RGS7: variants seen among roughly 807,000 people sequenced by gnomAD.
The protein encoded by RGS7 is regulator of G protein signaling 7.
RGS7 carries 27 observed loss-of-function variants against 81.1 expected under a neutral mutation model. That is an observed-to-expected ratio of 0.33 (90% CI 0.25 to 0.46). The LOEUF (loss-of-function observed/expected upper bound fraction) is 0.46, where lower values mean the gene tolerates loss of function less well. Among genes scored for constraint, RGS7 ranks in the 20% least tolerant of loss-of-function variants. The pLI, the probability that RGS7 is intolerant of heterozygous loss-of-function variation, is 1.00. For synonymous variants in RGS7, 208 were observed against 207.7 expected, an observed-to-expected ratio of 1.00 and a Z score of -0.01; for missense variants, 396 against 607.4, an observed-to-expected ratio of 0.65 and a Z score of 3.66.
chr1:241,219,117 T>C (rs960237563), intron 2 of RGS7, among the ~76,000 whole-genome samples: 1 of 152,076 alleles, frequency 6.6e-6, no homozygotes, highest in Non-Finnish European at 1.5e-5. Flanking sequence ...ATGCCTCACA[T>C]CTCTTGTAAT....
chr1:240,863,058 A>T (rs1662532374), intron 9 of RGS7, among the ~76,000 whole-genome samples: 1 of 152,104 alleles, frequency 6.6e-6, no homozygotes, highest in African/African-American at 2.4e-5. Flanking sequence ...GCCGCAAGGA[A>T]TCCTCTTAGC....
chr1:240,977,479 C>T (rs1178611172), intron 4 of RGS7, among the ~76,000 whole-genome samples: 1 of 152,128 alleles, frequency 6.6e-6, no homozygotes, highest in Admixed American at 6.5e-5. Flanking sequence ...TTGAAAGGTA[C>T]AAATCAAAAT....
chr1:241,220,900 TGAAAGGAAGAAAG>T (rs1369880018), intron 2 of RGS7, among the ~76,000 whole-genome samples: 20 of 125,490 alleles, frequency 1.6e-4, no homozygotes, highest in East Asian at 4.5e-4. Context: ...GAGAGAGAGA[TGAAAGGAAGAAAG>T]GAAAGGAAGA....
intron 14 of RGS7, among the ~76,000 whole-genome samples, chr1:240,807,529 A>T (rs188051550): frequency 7.3e-4 from 111 of 152,340 alleles, no homozygotes; most frequent in Non-Finnish European, 1.3e-3. Context: ...AATGAAGTGC[A>T]TGAGCTAGAA....
chr1:241,178,633 G>C (rs1162070943), intron 2 of RGS7, among the ~76,000 whole-genome samples: 1 of 152,232 alleles, frequency 6.6e-6, no homozygotes, highest in Non-Finnish European at 1.5e-5. Flanking sequence ...ACAGGATAGA[G>C]AGAGTGATTA....
intron 3 of RGS7, among the ~76,000 whole-genome samples, chr1:241,070,656 A>G (rs2062382494): frequency 6.6e-6 from 1 of 152,196 alleles, no homozygotes; most frequent in African/African-American, 2.4e-5. Flanking sequence ...TGCCCTGCCC[A>G]TGGGCACAAC....
At chr1:240,795,444 T>C (rs896530135) in intron 18 of RGS7, among the ~76,000 whole-genome samples, 10 of 152,190 alleles carry the variant, frequency 6.6e-5, no homozygotes, top group Non-Finnish European at 1.3e-4. Flanking sequence ...AATAAGTTAT[T>C]TTTCCCTCTA....
chr1:240,850,063 T>G (rs1659828469), intron 9 of RGS7, among the ~76,000 whole-genome samples: 1 of 152,254 alleles, frequency 6.6e-6, no homozygotes, highest in Admixed American at 6.5e-5. Context: ...TTGTGGAACT[T>G]TGCACAACTT....
intron 3 of RGS7, among the ~76,000 whole-genome samples, chr1:241,084,377 T>C (rs1253043705): frequency 6.6e-6 from 1 of 152,106 alleles, no homozygotes; most frequent in African/African-American, 2.4e-5. Flanking sequence ...AGGACCAAAA[T>C]AGTAAAATAT....
At chr1:240,933,174 G>C (rs191874297) in intron 5 of RGS7, among the ~76,000 whole-genome samples, 1 of 151,698 alleles carries the variant, frequency 6.6e-6, no homozygotes, top group East Asian at 1.9e-4. Context: ...GAGCCACCGC[G>C]CCCGGCCGGT....
chr1:240,850,264 A>C (rs1237261296), intron 9 of RGS7, among the ~76,000 whole-genome samples: 1 of 152,164 alleles, frequency 6.6e-6, no homozygotes, highest in Non-Finnish European at 1.5e-5. Context: ...CCATTTTTCC[A>C]ATAGCATGTG....
intron 2 of RGS7, among the ~76,000 whole-genome samples, chr1:241,152,628 G>A (rs975167779): frequency 2.0e-5 from 3 of 152,184 alleles, no homozygotes; most frequent in African/African-American, 7.2e-5. Context: ...TGGAGAAATG[G>A]TAGGAGGATG....
At chr1:240,778,411 G>T (rs538175063) in intron 18 of RGS7, among the ~76,000 whole-genome samples, 2 of 152,308 alleles carry the variant, frequency 1.3e-5, no homozygotes, top group African/African-American at 4.8e-5. Flanking sequence ...GGGCCCTTTT[G>T]CTGATATGAA....
chr1:241,118,390 CTT>C (rs968397839), intron 2 of RGS7, among the ~76,000 whole-genome samples: 6 of 152,222 alleles, frequency 3.9e-5, no homozygotes, highest in Non-Finnish European at 8.8e-5. Context: ...AGTTTTAAAA[CTT>C]TTTCGTCTCA....
intron 2 of RGS7, among the ~76,000 whole-genome samples, chr1:241,225,058 T>C (rs2075241350): frequency 6.6e-6 from 1 of 152,154 alleles, no homozygotes; most frequent in Non-Finnish European, 1.5e-5. Context: ...ATGGATATAT[T>C]GCCTAGTGAT....
chr1:241,116,573 T>C (rs1170102922), intron 2 of RGS7, among the ~76,000 whole-genome samples: 1 of 151,978 alleles, frequency 6.6e-6, no homozygotes, highest in Non-Finnish European at 1.5e-5. Flanking sequence ...TCCAAACTTA[T>C]GAAAAAAAGA....
At chr1:240,927,215 C>A (rs999228167) in intron 6 of RGS7, among the ~76,000 whole-genome samples, 1 of 152,084 alleles carries the variant, frequency 6.6e-6, no homozygotes, top group Non-Finnish European at 1.5e-5. Flanking sequence ...TACAGACGTG[C>A]GCCACCATGC....
chr1:241,249,718 ATCTCTT>A (rs1353706879), intron 2 of RGS7, among the ~76,000 whole-genome samples: 1 of 152,160 alleles, frequency 6.6e-6, no homozygotes, highest in African/African-American at 2.4e-5. Flanking sequence ...TGATCTAGCA[ATCTCTT>A]TCTAAGTATG....
intron 2 of RGS7, among the ~76,000 whole-genome samples, chr1:241,134,243 GATCTGTCGGGCAGTGC>G (rs2067325382): frequency 6.6e-6 from 1 of 152,174 alleles, no homozygotes; most frequent in Non-Finnish European, 1.5e-5. Flanking sequence ...CTCACAGCAA[GATCTGTCGGGCAGTGC>G]TGCTCCAGAC....
Sources: allele counts gnomAD v4.1 joint callset (sites outside exome capture counted in the v4.1 genomes callset), GRCh38; gene constraint gnomAD v4.1.1; transcripts MANE v1.5; gene names NCBI Gene and HGNC (gene_info 2026-07-23, HGNC 2026-07-21).